RASAL2: variants seen among roughly 807,000 people sequenced by gnomAD.
The protein encoded by RASAL2 is ras GTPase-activating protein nGAP.
A neutral mutation model predicts 128.9 loss-of-function variants in RASAL2; 58 were observed. The observed-to-expected ratio is 0.45, with a 90% CI of 0.36 to 0.56. The LOEUF is 0.56. Ranked by LOEUF, RASAL2 falls within the 20% of genes least tolerant of loss-of-function variation. The probability of loss-of-function intolerance (pLI) is 0.00; values close to 1 mark genes in which losing one functional copy is unlikely to be tolerated. For synonymous variants in RASAL2, 561 were observed against 580.8 expected, an observed-to-expected ratio of 0.97 and a Z score of 0.49; for missense variants, 1,360 against 1,601.6, an observed-to-expected ratio of 0.85 and a Z score of 2.57.
rs1005698214 is a variant in RASAL2 at position 178,476,507 on chromosome 1, G to A, written c.*3268G>A. ...CTGTTGGGGTTTATGGCAGTCTAAC[G>A]GTAAGAAAAATGTGGTAAAATGAGG... On this transcript the variant is annotated 3_prime_UTR_variant, in exon 18 of 18. Coordinates refer to ENST00000367649, the MANE Select transcript of RASAL2 (RefSeq NM_170692.4). The A allele has an allele frequency of 1.1e-4, 16 of 152,110 alleles. No homozygotes were observed. Among genetic ancestry groups the A allele is most frequent in the South Asian group, 2.1e-4 (1 of 4,816 alleles). 9.4% of individuals were successfully genotyped at this position (152,110 alleles called of 1,614,324 possible).
At chr1:178,469,568 T>C (rs1162472121) in intron 17 of RASAL2, among the ~76,000 whole-genome samples, 1 of 152,188 alleles carries the variant, frequency 6.6e-6, no homozygotes, top group Non-Finnish European at 1.5e-5. Flanking sequence ...GTGTCATGTG[T>C]AGGAATGGGA....
At chr1:178,275,109 A>G (rs1666435297) in intron 1 of RASAL2, among the ~76,000 whole-genome samples, 1 of 152,202 alleles carries the variant, frequency 6.6e-6, no homozygotes, top group Non-Finnish European at 1.5e-5. Context: ...TGCTGGCACC[A>G]TTCATAAGAC....
chr1:178,420,186 TTTGTG>T (rs1273055665), intron 4 of RASAL2, among the ~76,000 whole-genome samples: 4 of 152,194 alleles, frequency 2.6e-5, no homozygotes, highest in African/African-American at 9.6e-5. Context: ...AAGGAATATA[TTTGTG>T]TATGTTATAT....
intron 9 of RASAL2, among the ~76,000 whole-genome samples, chr1:178,448,241 C>T (rs1459621625): frequency 6.6e-6 from 1 of 152,050 alleles, no homozygotes; most frequent in Non-Finnish European, 1.5e-5. Context: ...TCCTAGATAC[C>T]AATAGAGAAG....
At chr1:178,408,576 G>C (rs1674135467) in intron 4 of RASAL2, among the ~76,000 whole-genome samples, 1 of 147,708 alleles carries the variant, frequency 6.8e-6, no homozygotes, top group African/African-American at 2.6e-5. Flanking sequence ...TTGTTTTTTA[G>C]GTTTTTTGTT....
At chr1:178,404,058 C>G (rs1034647748) in intron 4 of RASAL2, among the ~76,000 whole-genome samples, 1 of 151,830 alleles carries the variant, frequency 6.6e-6, no homozygotes, top group Non-Finnish European at 1.5e-5. Context: ...AACCCCATCT[C>G]TACTAAAAAT....
chr1:178,469,008 T>C (rs1648013034), intron 17 of RASAL2, among the ~76,000 whole-genome samples: 1 of 152,172 alleles, frequency 6.6e-6, no homozygotes, highest in Non-Finnish European at 1.5e-5. Flanking sequence ...TTTAAAAGTA[T>C]CAGTCTTGGC....
chr1:178,385,802 C>A (rs1329873340), intron 3 of RASAL2, among the ~76,000 whole-genome samples: 1 of 152,234 alleles, frequency 6.6e-6, no homozygotes, highest in Admixed American at 6.5e-5. Flanking sequence ...CTCTTTGTTG[C>A]GGTTTACCTT....
chr1:178,345,183 AG>A (rs1670088014), intron 3 of RASAL2, among the ~76,000 whole-genome samples: 1 of 152,214 alleles, frequency 6.6e-6, no homozygotes, highest in African/African-American at 2.4e-5. Flanking sequence ...ACGACTCTAT[AG>A]AACTCCACAT....
intron 2 of RASAL2, among the ~76,000 whole-genome samples, chr1:178,297,844 C>T (rs1001990658): frequency 2.4e-4 from 37 of 151,984 alleles, no homozygotes; most frequent in African/African-American, 8.5e-4. Flanking sequence ...TTATTCTCTC[C>T]TTTGATATAG....
At chr1:178,455,388 G>A (rs964251525) in intron 12 of RASAL2, among the ~76,000 whole-genome samples, 1 of 152,096 alleles carries the variant, frequency 6.6e-6, no homozygotes, top group Non-Finnish European at 1.5e-5. Flanking sequence ...GTGGTGGTAT[G>A]TTAGAATAAC....
At chr1:178,233,409 G>T (rs944320723) in intron 1 of RASAL2, among the ~76,000 whole-genome samples, 1 of 152,162 alleles carries the variant, frequency 6.6e-6, no homozygotes, top group Non-Finnish European at 1.5e-5. Flanking sequence ...TCCATGGTGT[G>T]GTCCAGTGAA....
intron 4 of RASAL2, among the ~76,000 whole-genome samples, chr1:178,403,268 T>C (rs1051313603): frequency 2.0e-5 from 3 of 152,218 alleles, no homozygotes; most frequent in African/African-American, 7.2e-5. Flanking sequence ...TTTTCCCTCC[T>C]ATGTGTTATT....
chr1:178,188,014 A>G (rs1035655254), intron 1 of RASAL2, among the ~76,000 whole-genome samples: 3 of 152,126 alleles, frequency 2.0e-5, no homozygotes, highest in South Asian at 4.1e-4. Context: ...GGTATTCAAC[A>G]AAGTCTCTTC....
chr1:178,362,506 A>G (rs1232808432), intron 3 of RASAL2, among the ~76,000 whole-genome samples: 1 of 146,690 alleles, frequency 6.8e-6, no homozygotes, highest in African/African-American at 2.5e-5. Flanking sequence ...TCATAGTAAG[A>G]GTATCTAAAA....
At chr1:178,275,666 A>G (rs774070620) in intron 1 of RASAL2, among the ~76,000 whole-genome samples, 3 of 152,234 alleles carry the variant, frequency 2.0e-5, no homozygotes, top group Non-Finnish European at 2.9e-5. Context: ...CCTGTGATAG[A>G]GCAGAGTTAG....
intron 3 of RASAL2, among the ~76,000 whole-genome samples, chr1:178,364,658 T>C (rs1671308169): frequency 1.3e-5 from 2 of 152,220 alleles, no homozygotes; most frequent in African/African-American, 4.8e-5. Flanking sequence ...GTGCTAATCA[T>C]AGGTATATTG....
At chr1:178,293,256 A>G (rs766063617) in intron 2 of RASAL2, among the ~76,000 whole-genome samples, 5 of 152,248 alleles carry the variant, frequency 3.3e-5, no homozygotes, top group African/African-American at 4.8e-5. Flanking sequence ...TGGATAGAAT[A>G]AGAGAGAGAA....
rs555672541 is a variant in RASAL2 at position 178,134,931 on chromosome 1, C to T, written c.202+40237C>T. ...TTTTGCTCGTTGACTTTTGGGAGGG[C>T]CAATGAATGCCAACATCTGCTTATT... On this transcript the variant is annotated intron_variant, in intron 1 of 17. Coordinates refer to ENST00000367649, the MANE Select transcript of RASAL2 (RefSeq NM_170692.4). Among the ~76,000 whole-genome samples, 19 of 152,204 alleles carry T rather than the reference C, an allele frequency of 1.2e-4. No individual in the cohort carries two copies. The South Asian group carries it at 4.0e-3, about 32-fold the overall frequency.
Sources: gnomAD v4.1 joint callset for allele counts (sites outside exome capture counted in the v4.1 genomes callset) on GRCh38, gnomAD v4.1.1 for gene constraint, MANE v1.5 for transcripts, NCBI Gene and HGNC (gene_info 2026-07-23, HGNC 2026-07-21) for gene names.